ZNF226: variants seen among roughly 807,000 people sequenced by gnomAD.
The protein encoded by ZNF226 is Kruppel-associated box protein.
ZNF226 carries 6 observed loss-of-function variants against 11.4 expected under a neutral mutation model. The ratio of observed to expected loss-of-function variants is 0.53; its 90% CI spans 0.29 to 1.04. ZNF226 has a LOEUF of 1.04. ZNF226 is among the 50% of genes least tolerant of loss of function. The pLI is 0.08. For missense variants in ZNF226, 1,058 were observed against 956.5 expected (o/e 1.11, Z -1.40); for synonymous variants, 350 against 322.8 (o/e 1.08, Z -0.90).
At chr19:44,173,868 A>G (rs1374636806) in intron 5 of ZNF226, 1 of 152,138 alleles carries the variant, frequency 6.6e-6, no homozygotes, top group Non-Finnish European at 1.5e-5. Context: ...ATCACCTCAT[A>G]TATGTTTTTG....
chr19:44,182,797 AG>A (rs1410119333), downstream of ZNF226, among the ~76,000 whole-genome samples: 1 of 152,214 alleles, frequency 6.6e-6, no homozygotes, highest in Non-Finnish European at 1.5e-5. Context: ...CACAATGATC[AG>A]CAAAGTCAAA....
downstream of ZNF226, among the ~76,000 whole-genome samples, chr19:44,179,206 G>A (rs530043022): frequency 3.3e-5 from 5 of 152,106 alleles, no homozygotes; most frequent in South Asian, 4.2e-4. Flanking sequence ...CCTTAAATTC[G>A]TGTGTGTCCA....
chr19:44,170,532 C>T (rs192818558), intron 3 of ZNF226, among the ~76,000 whole-genome samples: 61 of 151,994 alleles, frequency 4.0e-4, no homozygotes, highest in African/African-American at 1.3e-3. Flanking sequence ...GTCAGGAGAT[C>T]GAGACCATCC....
rs551499544 is a variant in ZNF226 at position 44,172,793 on chromosome 19, C to T, written c.143-67C>T. 129 of 1,350,060 alleles carry T rather than the reference C, an allele frequency of 9.6e-5. 1 individual carries two copies. The Admixed American group carries it at 1.6e-3, about 17-fold the overall frequency. The allele number at this position is 1,350,060 out of a possible 1,614,324, so 83.6% of individuals were successfully genotyped here. On this transcript the variant is annotated intron_variant, in intron 4 of 5. Coordinates refer to ENST00000337433, the MANE Select transcript of ZNF226 (RefSeq NM_001032373.2). ...CAGTGTCTTGAATGTGCAGTTGCAA[C>T]TCAGATTTCCAGTGTATTTTAACTC... is the stretch of plus-strand genomic sequence containing the variant.
At position 44,176,059 on chromosome 19, in the gene ZNF226, G is replaced by T. The variant is rs373257178; in HGVS notation, c.797G>T (p.Ser266Ile). Residue 266 changes from serine (S) to isoleucine (I), a missense_variant, in exon 6 of 6, where the codon AGC becomes ATC. By Grantham distance (142) the Ser-to-Ile change is moderately radical. Transcript: ENST00000337433. ...ECKKPFSDLS[S>I]FDLHQQLQSG... ...AAAAAACCCTTCAGTGATCTCTCCA[G>T]CTTTGATCTTCATCAGCAGTTACAA... 48 of 1,614,004 alleles carry T rather than the reference G, an allele frequency of 3.0e-5. No homozygotes were observed. Among genetic ancestry groups the T allele is most frequent in the Non-Finnish European group, 3.9e-5 (46 of 1,180,006 alleles).
chr19:44,170,853 C>T (rs1445862599), intron 3 of ZNF226, among the ~76,000 whole-genome samples: 3 of 149,764 alleles, frequency 2.0e-5, no homozygotes, highest in Non-Finnish European at 4.4e-5. Context: ...GCAGAGGTTG[C>T]AGTGAGCCAA....
At chr19:44,191,564 G>T in the ZNF226 span, among the ~76,000 whole-genome samples, 1 of 152,056 alleles carries the variant, frequency 6.6e-6, no homozygotes, top group Non-Finnish European at 1.5e-5. Flanking sequence ...TTCTCCAGGG[G>T]CCCAACTGGA....
downstream of ZNF226, among the ~76,000 whole-genome samples, chr19:44,180,102 A>AAG (rs1156849119): frequency 7.2e-6 from 1 of 139,390 alleles, no homozygotes; most frequent in Non-Finnish European, 1.5e-5. Context: ...AAAAAAAAAA[A>AAG]AAAAAAAAAC....
chr19:44,179,810 C>T (rs547652667), downstream of ZNF226, among the ~76,000 whole-genome samples: 9 of 152,002 alleles, frequency 5.9e-5, no homozygotes, highest in South Asian at 1.0e-3. Flanking sequence ...AGGCCAGGTG[C>T]GGTTGCTCGT....
At chr19:44,188,343 C>G in the ZNF226 span, among the ~76,000 whole-genome samples, 1 of 152,154 alleles carries the variant, frequency 6.6e-6, no homozygotes, top group Non-Finnish European at 1.5e-5. Flanking sequence ...TCTGTATCTG[C>G]AGGTTCTGCA....
At chr19:44,169,261 G>T (rs1198852716) in intron 2 of ZNF226, among the ~76,000 whole-genome samples, 1 of 151,960 alleles carries the variant, frequency 6.6e-6, no homozygotes, top group Non-Finnish European at 1.5e-5. Flanking sequence ...GCTTGTCTTG[G>T]TTTCCCAAAG....
At chr19:44,174,860 C>T in intron 5 of ZNF226, 1 of 901,376 alleles carries the variant, frequency 1.1e-6, no homozygotes, top group Non-Finnish European at 1.7e-6. Context: ...TTTCCTTTCA[C>T]CCCAAGTGAT....
chr19:44,181,981 A>C (rs1568577760), downstream of ZNF226, among the ~76,000 whole-genome samples: 1 of 152,232 alleles, frequency 6.6e-6, no homozygotes, highest in African/African-American at 2.4e-5. Flanking sequence ...AAACCTGAGA[A>C]ATAGATATGG....
intron 5 of ZNF226, chr19:44,174,223 T>G (rs1970451128): frequency 6.6e-6 from 1 of 152,178 alleles, no homozygotes; most frequent in Middle Eastern, 3.2e-3. Flanking sequence ...ACCTATAGTG[T>G]CATAGTTGTA....
At chr19:44,196,198 C>T in the ZNF226 span, among the ~76,000 whole-genome samples, 13 of 152,138 alleles carry the variant, frequency 8.5e-5, no homozygotes, top group East Asian at 7.7e-4. Context: ...AAATTACTTG[C>T]GGCCTATTTA....
chr19:44,198,737 A>G, the ZNF226 span, among the ~76,000 whole-genome samples: 7 of 152,246 alleles, frequency 4.6e-5, no homozygotes, highest in Non-Finnish European at 8.8e-5. Flanking sequence ...TCAGGGAGAC[A>G]TGGATCTTCT....
chr19:44,181,137 G>A (rs1970900848), downstream of ZNF226, among the ~76,000 whole-genome samples: 2 of 152,142 alleles, frequency 1.3e-5, no homozygotes, highest in Admixed American at 6.6e-5. Context: ...CCAGCCCTTT[G>A]GGAGGCTGAG....
the ZNF226 span, among the ~76,000 whole-genome samples, chr19:44,189,273 T>C: frequency 4.6e-5 from 7 of 152,326 alleles, no homozygotes; most frequent in South Asian, 1.5e-3. Flanking sequence ...ATCATCCCAG[T>C]TTGCATAATG....
chr19:44,176,565 T>C lies in ZNF226; in HGVS notation c.1303T>C (p.Tyr435His). The part of the protein sequence containing the change: ...GKGFICSSNL[Y>H]IHQRVHTGEK... ...GGGCTTCATTTGTAGCTCAAATCTTTACATTCATCAGAGAGTCCACACAGG... is the reference window on the plus strand; with the variant it reads ...GGGCTTCATTTGTAGCTCAAATCTTCACATTCATCAGAGAGTCCACACAGG... Residue 435 changes from tyrosine to histidine, a missense_variant, in exon 6 of 6, where the codon TAC becomes CAC. Physicochemically the swap from Tyr to His is moderately conservative, Grantham distance 83. Coordinates refer to ENST00000337433, the MANE Select transcript of ZNF226 (RefSeq NM_001032373.2). 1 of 1,613,916 alleles carries C rather than the reference T, an allele frequency of 6.2e-7. No individual in the cohort carries two copies. Among genetic ancestry groups the C allele is most frequent in the South Asian group, 1.1e-5 (1 of 91,086 alleles).
Sources: gnomAD v4.1 joint callset for allele counts (sites outside exome capture counted in the v4.1 genomes callset) on GRCh38, gnomAD v4.1.1 for gene constraint, MANE v1.5 for transcripts, NCBI Gene and HGNC (gene_info 2026-07-23, HGNC 2026-07-21) for gene names.